UGT1A6: variants seen among roughly 807,000 people sequenced by gnomAD.
UGT1A6 encodes the protein UDP glucuronosyltransferase family 1 member A6.
A neutral mutation model predicts 44.4 loss-of-function variants in UGT1A6; 32 were observed. The ratio of observed to expected loss-of-function variants is 0.72; its 90% CI spans 0.54 to 0.97. UGT1A6 has a LOEUF of 0.97. Among genes scored for constraint, UGT1A6 ranks in the 50% least tolerant of loss-of-function variants. UGT1A6 has a pLI of 0.00. For synonymous variants in UGT1A6, 238 were observed against 248.5 expected (o/e 0.96, Z 0.40); for missense variants, 685 against 661.9 (o/e 1.03, Z -0.38).
intron 1 of UGT1A6, among the ~76,000 whole-genome samples, chr2:233,744,973 G>T (rs771503200): frequency 1.3e-5 from 2 of 151,732 alleles, no homozygotes; most frequent in African/African-American, 2.4e-5. Context: ...CCTTCTTTAA[G>T]CCTCTAGTCA....
chr2:233,718,710 T>G (rs1277838228), intron 1 of UGT1A6: 4 of 1,606,080 alleles, frequency 2.5e-6, no homozygotes, highest in Admixed American at 1.7e-5. Flanking sequence ...TGTCTTCCAA[T>G]TACATGCTGA....
At chr2:233,702,807 T>A (rs568741359) in intron 1 of UGT1A6, among the ~76,000 whole-genome samples, 2 of 152,340 alleles carry the variant, frequency 1.3e-5, no homozygotes, top group South Asian at 4.1e-4. Flanking sequence ...CCTAGAATAA[T>A]CCCACTTGAT....
At chr2:233,705,468 CAT>C (rs1165661174) in intron 1 of UGT1A6, among the ~76,000 whole-genome samples, 1 of 152,140 alleles carries the variant, frequency 6.6e-6, no homozygotes, top group African/African-American at 2.4e-5. Context: ...AGCAGACACA[CAT>C]GAGGCAAATT....
intron 1 of UGT1A6, among the ~76,000 whole-genome samples, chr2:233,758,500 A>T (rs552604642): frequency 1.2e-4 from 19 of 152,348 alleles, no homozygotes; most frequent in African/African-American, 4.6e-4. Flanking sequence ...CAGAATTTCT[A>T]ATAAGGACAC....
At chr2:233,705,963 C>T (rs980929573) in intron 1 of UGT1A6, among the ~76,000 whole-genome samples, 2 of 152,108 alleles carry the variant, frequency 1.3e-5, no homozygotes, top group East Asian at 1.9e-4. Flanking sequence ...GAGGTGCATG[C>T]CTGTGGTTCC....
intron 1 of UGT1A6, among the ~76,000 whole-genome samples, chr2:233,706,260 G>A (rs1000917141): frequency 6.6e-6 from 1 of 152,228 alleles, no homozygotes; most frequent in Non-Finnish European, 1.5e-5. Context: ...AGGGCAGCTG[G>A]ATTGCCCAAC....
At chr2:233,747,140 A>G (rs1693571344) in intron 1 of UGT1A6, 1 of 1,552,350 alleles carries the variant, frequency 6.4e-7, no homozygotes, top group Admixed American at 1.8e-5. Context: ...GTGACAAGGT[A>G]ATTAAGATGA....
At position 233,693,767 on chromosome 2, in the gene UGT1A6, T is replaced by G; in HGVS notation, c.763T>G (p.Leu255Val). 6.2e-7 allele frequency: 1 copy of G among 1,614,246 alleles called. No individual in the cohort carries two copies. The highest frequency in any genetic ancestry group is 8.5e-7 in the Non-Finnish European group (1 of 1,180,040). Residue 255 changes from leucine to valine, a missense_variant, in exon 1 of 5, where the codon TTA becomes GTA. Coordinates refer to ENST00000305139, the MANE Select transcript of UGT1A6 (RefSeq NM_001072.4). ...TLYQKVSVWLLRYDFVLEYPR... is the reference protein window; with the variant it reads ...TLYQKVSVWLVRYDFVLEYPR... ...ATATCAGAAGGTCTCTGTTTGGCTG[T>G]TAAGATATGACTTTGTGCTTGAATA...
At chr2:233,731,784 G>A (rs186887277) in intron 1 of UGT1A6, among the ~76,000 whole-genome samples, 133 of 152,162 alleles carry the variant, frequency 8.7e-4, no homozygotes, top group Non-Finnish European at 1.4e-3. Flanking sequence ...ATTTATAATC[G>A]TTTGGGTATA....
intron 1 of UGT1A6, chr2:233,743,987 G>T: frequency 7.8e-7 from 1 of 1,278,832 alleles, no homozygotes; most frequent in South Asian, 1.3e-5. Flanking sequence ...CCAGGCGCAG[G>T]CCCGAGTGCT....
rs41264157 is a variant in UGT1A6 at position 233,755,111 on chromosome 2, G to C, written c.862-11923G>C. ...GTTTCTACGCGTCCGACAACACCTCGTAGGCCTCAGCCACCTGCTTGAATC... is the reference window on the plus strand; with the variant it reads ...GTTTCTACGCGTCCGACAACACCTCCTAGGCCTCAGCCACCTGCTTGAATC... On this transcript the variant is annotated intron_variant, in intron 1 of 4. Transcript: ENST00000305139. 5.5e-4 allele frequency: 736 copies of C among 1,331,768 alleles called. 3 individuals are homozygous for C. The African/African-American group carries it at 7.2e-3, about 13-fold the overall frequency. The allele number at this position is 1,331,768 out of a possible 1,614,324, so 82.5% of individuals were successfully genotyped here.
intron 1 of UGT1A6, among the ~76,000 whole-genome samples, chr2:233,740,501 G>A (rs1478436482): frequency 6.6e-6 from 1 of 151,910 alleles, no homozygotes; most frequent in Non-Finnish European, 1.5e-5. Context: ...GCTTTCCAGT[G>A]TGTGATGTAA....
chr2:233,744,112 C>T (rs1010440918), intron 1 of UGT1A6: 4 of 367,842 alleles, frequency 1.1e-5, no homozygotes, highest in African/African-American at 6.4e-5. Context: ...TGGCCCTGCT[C>T]TCTGTGAGGC....
chr2:233,700,602 CT>C (rs1319964954), intron 1 of UGT1A6, among the ~76,000 whole-genome samples: 2 of 151,936 alleles, frequency 1.3e-5, no homozygotes, highest in Middle Eastern at 3.2e-3. Context: ...ACAATTCACT[CT>C]TTTTTTGGGG....
intron 1 of UGT1A6, chr2:233,760,237 TATATATATATAA>T (rs1319876317): frequency 6.3e-7 from 1 of 1,597,346 alleles, no homozygotes; most frequent in South Asian, 1.1e-5. Flanking sequence ...TTTTGCCATA[TATATATATATAA>T]GTAGGAGAGG....
At chr2:233,747,948 G>T in intron 1 of UGT1A6, 1 of 1,613,450 alleles carries the variant, frequency 6.2e-7, no homozygotes, top group South Asian at 1.1e-5. Flanking sequence ...GGTGTCAGTG[G>T]TGGATCTTCT....
At position 233,767,154 on chromosome 2, in the gene UGT1A6, A is replaced by C. The variant is rs1339405023; in HGVS notation, c.982A>C (p.Ile328Leu). ...AMAIADALGK[I>L]PQTVLWRYTG... Reference sequence around the variant, plus strand: ...GGCAATTGCTGATGCTTTGGGCAAAATCCCTCAGACAGTAAGAAGATTCTA... The same window carrying C: ...GGCAATTGCTGATGCTTTGGGCAAACTCCCTCAGACAGTAAGAAGATTCTA... Residue 328 changes from isoleucine (I) to leucine (L), a missense_variant, in exon 2 of 5, where the codon ATC (isoleucine) becomes CTC (leucine). Physicochemically the swap from Ile to Leu is conservative, Grantham distance 5 (BLOSUM62 2). Transcript: ENST00000305139. 1.9e-5 allele frequency: 31 copies of C among 1,614,082 alleles called. No homozygotes were observed. The highest frequency in any genetic ancestry group is 2.6e-5 in the Non-Finnish European group (31 of 1,180,002).
At position 233,768,623 on chromosome 2, in the gene UGT1A6, G is replaced by A. The variant is rs1319443320; in HGVS notation, c.1301+184G>A. On this transcript the variant is annotated intron_variant, in intron 4 of 4. Coordinates refer to ENST00000305139, the MANE Select transcript of UGT1A6 (RefSeq NM_001072.4). ...TTTTTTTGAGATGGAGTCTTGCTCT[G>A]TCACCTAGGCTGGAGTGCAGTGGTG... Among the ~76,000 whole-genome samples, 3 of 112,724 alleles carry A rather than the reference G, an allele frequency of 2.7e-5. No individual in the cohort carries two copies. The Admixed American group carries it at 3.9e-4, about 15-fold the overall frequency. The allele number at this position is 112,724 out of a possible 152,430, so 74.0% of individuals were successfully genotyped here.
chr2:233,756,838 A>G (rs967837640), intron 1 of UGT1A6, among the ~76,000 whole-genome samples: 1 of 152,148 alleles, frequency 6.6e-6, no homozygotes, highest in African/African-American at 2.4e-5. Context: ...ATGATTAACC[A>G]AAGAACATTC....
Sources: gnomAD v4.1 joint callset for allele counts (sites outside exome capture counted in the v4.1 genomes callset) on GRCh38, gnomAD v4.1.1 for gene constraint, MANE v1.5 for transcripts, NCBI Gene and HGNC (gene_info 2026-07-23, HGNC 2026-07-21) for gene names.